The following SP9 variants were observed in gnomAD, a reference collection of about 807,000 sequenced individuals.
SP9 encodes the protein transcription factor Sp9.
A neutral mutation model predicts 23.0 loss-of-function variants in SP9; 5 were observed. The observed-to-expected ratio is 0.22, with a 90% confidence interval of 0.11 to 0.46. SP9 has a LOEUF of 0.46. Ranked by LOEUF, SP9 falls within the 20% of genes least tolerant of loss-of-function variation. The pLI is 0.99. For synonymous variants in SP9, 360 were observed against 356.5 expected (o/e 1.01, Z -0.11); for missense variants, 542 against 724.0 (o/e 0.75, Z 2.88).
chr2:174,336,979 T>C lies in SP9; in HGVS notation c.894T>C (p.Ser298=), dbSNP rs759174353. Residue 298 remains serine, a synonymous_variant, in exon 2 of 2, where the codon TCT becomes TCC. Coordinates refer to ENST00000394967, the MANE Select transcript of SP9 (RefSeq NM_001145250.2). ...AAAAGGSSAR[S]ARRYSGRATC... ...CCGCCGGGGGGAGCTCGGCACGCTC[T>C]GCCCGCCGCTACTCGGGCCGCGCCA... 37 of 1,431,430 alleles carry C rather than the reference T, an allele frequency of 2.6e-5. 2 individuals carry two copies. In the South Asian group the frequency reaches 5.3e-4, roughly 21 times the overall value. 88.7% of individuals were successfully genotyped at this position (1,431,430 alleles called of 1,614,324 possible). A position where few individuals can be genotyped will look rare whatever the true frequency, so the allele number is the denominator to read the frequency against.
chr2:174,337,516 A>G lies in SP9; in HGVS notation c.1431A>G (p.Ala477=). The G allele has an allele frequency of 1.7e-6, 2 of 1,176,526 alleles. No homozygotes were observed. The highest frequency in any genetic ancestry group is 2.1e-6 in the Non-Finnish European group (2 of 949,640). 72.9% of individuals were successfully genotyped at this position (1,176,526 alleles called of 1,614,324 possible). The change falls in exon 2 of 2, where the codon GCA becomes GCG. Residue 477 remains alanine (A), a synonymous_variant. Transcript: ENST00000394967. ...CGGCCTCCGCGGGAGGCAAGGAAGCAGCGTCTGGCCCCAACGACTCTTAGA... is the reference window on the plus strand; with the variant it reads ...CGGCCTCCGCGGGAGGCAAGGAAGCGGCGTCTGGCCCCAACGACTCTTAGA... ...AAAASAGGKE[A]ASGPNDS
rs559598850 is a variant in SP9 at position 174,336,472 on chromosome 2, C to T, written c.387C>T (p.Gly129=). 70 of 1,479,472 alleles carry T rather than the reference C, an allele frequency of 4.7e-5. No homozygotes were observed. In the East Asian group the frequency reaches 1.7e-3, roughly 36 times the overall value. The allele number at this position is 1,479,472 out of a possible 1,614,324, so 91.6% of individuals were successfully genotyped here. ...GGGTGTCCCCGCAGGAGGCGGGTGG[C>T]CAGTCGGCCTTCATTTCCAAGGTGC... ...AAGVSPQEAG[G]QSAFISKVHT... The change falls in exon 2 of 2, where the codon GGC becomes GGT. Residue 129 remains glycine (G), a synonymous_variant. Transcript: ENST00000394967.
chr2:174,335,006 G>A lies in SP9; in HGVS notation c.-87G>A. Reference sequence around the variant, plus strand: ...CGCTCGGCACGAGCGCGGGGACGCGGGAGCCGCGCGGGACCCAAGCAGTTT... The same window carrying A: ...CGCTCGGCACGAGCGCGGGGACGCGAGAGCCGCGCGGGACCCAAGCAGTTT... On this transcript the variant is annotated 5_prime_UTR_variant, in exon 1 of 2. Coordinates refer to ENST00000394967, the MANE Select transcript of SP9 (RefSeq NM_001145250.2). The A allele has an allele frequency of 2.0e-6, 3 of 1,468,960 alleles. No individual in the cohort carries two copies. Among genetic ancestry groups the A allele is most frequent in the Non-Finnish European group, 2.8e-6 (3 of 1,075,624 alleles). The allele number at this position is 1,468,960 out of a possible 1,614,324, so 91.0% of individuals were successfully genotyped here. A position where few individuals can be genotyped will look rare whatever the true frequency, so the allele number is the denominator to read the frequency against.
In SP9 at chr2:174,336,776, G is replaced by T; in HGVS notation, c.691G>T (p.Ala231Ser). 6.5e-7 allele frequency: 1 copy of T among 1,532,320 alleles called. No homozygotes were observed. The highest frequency in any genetic ancestry group is 8.7e-7 in the Non-Finnish European group (1 of 1,145,180). The allele number at this position is 1,532,320 out of a possible 1,614,324, so 94.9% of individuals were successfully genotyped here. A position where few individuals can be genotyped will look rare whatever the true frequency, so the allele number is the denominator to read the frequency against. The change falls in exon 2 of 2, where the codon GCC becomes TCC. Residue 231 changes from alanine (A) to serine (S), a missense_variant. Physicochemically the swap from Ala to Ser is moderately conservative, Grantham distance 99 (BLOSUM62 1). This residue lies in a region of SP9 where 144 missense variants were observed against 158.7 expected (regional missense o/e 0.91). Coordinates refer to ENST00000394967, the MANE Select transcript of SP9 (RefSeq NM_001145250.2). ...CGACTTCAGCTCGCTCACGCACTCC[G>T]CCTTCAGCTCCACGGGCCTCGGCTC... is the stretch of plus-strand genomic sequence containing the variant. ...NPDFSSLTHSAFSSTGLGSSA... is the reference protein window; with the variant it reads ...NPDFSSLTHSSFSSTGLGSSA...
chr2:174,337,072 G>A lies in SP9; in HGVS notation c.987G>A (p.Lys329=), dbSNP rs1291449019. ...LGPAGASLRR[K]GLHSCHIPGC... is the part of the protein sequence containing the mutation. Reference sequence around the variant, plus strand: ...CGGCCGGGGCGAGCCTGCGGCGCAAGGGCCTGCACAGCTGCCACATTCCGG... The same window carrying A: ...CGGCCGGGGCGAGCCTGCGGCGCAAAGGCCTGCACAGCTGCCACATTCCGG... The change falls in exon 2 of 2, where the codon AAG becomes AAA. Residue 329 remains lysine, a synonymous_variant. Transcript: ENST00000394967. The A allele has an allele frequency of 5.1e-6, 8 of 1,569,056 alleles. No homozygotes were observed. The highest frequency in any genetic ancestry group is 6.0e-6 in the Non-Finnish European group (7 of 1,162,668).
intron 1 of SP9, 131 bp downstream of exon 1, chr2:174,335,244 C>T: frequency 9.4e-7 from 1 of 1,061,482 alleles, no homozygotes; most frequent in Non-Finnish European, 1.4e-6. Context: ...TAGCACTTTC[C>T]ACATTTCTGG....
intron 1 of SP9, 170 bp downstream of exon 1, chr2:174,335,283 C>A: frequency 1.5e-6 from 1 of 647,790 alleles, no homozygotes; most frequent in Non-Finnish European, 2.6e-6. Flanking sequence ...TTTTTGGAAC[C>A]CAGAAAGATG....
Position 174,336,741 on chromosome 2 carries a change from C to A in SP9, c.656C>A (p.Thr219Asn). The A allele has an allele frequency of 2.6e-6, 4 of 1,532,680 alleles. No homozygotes were observed. Among genetic ancestry groups the A allele is most frequent in the Non-Finnish European group, 3.5e-6 (4 of 1,145,378 alleles). The allele number at this position is 1,532,680 out of a possible 1,614,324, so 94.9% of individuals were successfully genotyped here. A position where few individuals can be genotyped will look rare whatever the true frequency, so the allele number is the denominator to read the frequency against. The change falls in exon 2 of 2, where the codon ACC (threonine) becomes AAC (asparagine). Residue 219 changes from threonine to asparagine, a missense_variant. Around this residue, in one of 8 missense-constraint regions of SP9, gnomAD observed 144 missense variants for 158.7 expected, o/e 0.91. Transcript: ENST00000394967. ...PQASLHSQLG[T>N]YNPDFSSLTH... ...GCCTCGCTGCACTCGCAGCTGGGCACCTACAACCCCGACTTCAGCTCGCTC... is the reference window on the plus strand; with the variant it reads ...GCCTCGCTGCACTCGCAGCTGGGCAACTACAACCCCGACTTCAGCTCGCTC...
At position 174,337,604 on chromosome 2, in the gene SP9, G is replaced by A; in HGVS notation, c.*64G>A. ...ACACCGAGAACGAACGAGAGGTTCG[G>A]AGGGCGAGCGAGCGGGAGGCGGGAG... On this transcript the variant is annotated 3_prime_UTR_variant, in exon 2 of 2. Transcript: ENST00000394967. The A allele has an allele frequency of 9.2e-7, 1 of 1,091,856 alleles. No homozygotes were observed. The highest frequency in any genetic ancestry group is 1.1e-6 in the Non-Finnish European group (1 of 897,896). The allele number at this position is 1,091,856 out of a possible 1,614,324, so 67.6% of individuals were successfully genotyped here. A position where few individuals can be genotyped will look rare whatever the true frequency, so the allele number is the denominator to read the frequency against.
At position 174,336,352 on chromosome 2, in the gene SP9, C is replaced by A; in HGVS notation, c.267C>A (p.Phe89Leu). ...AGGSGAANSA[F>L]CLASTSPTSS... is the part of the protein sequence containing the mutation. The stretch of plus-strand genomic sequence containing the variant: ...GCTCGGGCGCCGCCAACAGCGCCTT[C>A]TGCCTGGCCTCCACGTCGCCCACGT... The change falls in exon 2 of 2, where the codon TTC becomes TTA. Residue 89 changes from phenylalanine to leucine, a missense_variant. Transcript: ENST00000394967. The A allele has an allele frequency of 6.7e-7, 1 of 1,498,906 alleles. No individual in the cohort carries two copies. The highest frequency in any genetic ancestry group is 8.8e-7 in the Non-Finnish European group (1 of 1,131,894). 92.9% of individuals were successfully genotyped at this position (1,498,906 alleles called of 1,614,324 possible).
At position 174,338,439 on chromosome 2, in the gene SP9, G is replaced by C; in HGVS notation, c.*899G>C. ...CTAAAGAAATTAAATGCGTTTATCT[G>C]TATCAAGAAAATCTTGACATCATAT... On this transcript the variant is annotated 3_prime_UTR_variant, in exon 2 of 2. Coordinates refer to ENST00000394967, the MANE Select transcript of SP9 (RefSeq NM_001145250.2). 6.6e-6 allele frequency: 1 copy of C among 152,112 alleles called. No homozygotes were observed. The highest frequency in any genetic ancestry group is 1.9e-4 in the East Asian group (1 of 5,188). 9.4% of individuals were successfully genotyped at this position (152,112 alleles called of 1,614,324 possible). A position where few individuals can be genotyped will look rare whatever the true frequency, so the allele number is the denominator to read the frequency against.
rs1467487391 is a variant in SP9, at chr2:174,337,524, G to C, written c.1439G>C (p.Gly480Ala). 8.5e-7 allele frequency: 1 copy of C among 1,172,190 alleles called. No individual in the cohort carries two copies. Among genetic ancestry groups the C allele is most frequent in the African/African-American group, 1.6e-5 (1 of 61,134 alleles). The allele number at this position is 1,172,190 out of a possible 1,614,324, so 72.6% of individuals were successfully genotyped here. The stretch of plus-strand genomic sequence containing the variant: ...GCGGGAGGCAAGGAAGCAGCGTCTG[G>C]CCCCAACGACTCTTAGAGGCCGGGC... The part of the protein sequence containing the change: ...ASAGGKEAAS[G>A]PNDS Residue 480 changes from glycine to alanine, a missense_variant, in exon 2 of 2, where the codon GGC becomes GCC. Around this residue, in one of 8 missense-constraint regions of SP9, gnomAD observed 55 missense variants for 56.1 expected, o/e 0.98. Transcript: ENST00000394967.
intron 1 of SP9, chr2:174,335,811 C>A: frequency 2.5e-6 from 1 of 406,174 alleles, no homozygotes; most frequent in South Asian, 3.6e-5. Flanking sequence ...ACGGCGACAA[C>A]CCAAGTCCGG....
Position 174,336,341 on chromosome 2 carries a change from A to G in SP9, c.256A>G (p.Asn86Asp). The G allele has an allele frequency of 6.7e-7, 1 of 1,498,402 alleles. No individual in the cohort carries two copies. 92.8% of individuals were successfully genotyped at this position (1,498,402 alleles called of 1,614,324 possible). A position where few individuals can be genotyped will look rare whatever the true frequency, so the allele number is the denominator to read the frequency against. ...GGLAGGSGAA[N>D]SAFCLASTSP... Reference sequence around the variant, plus strand: ...CCTGGCGGGCGGCTCGGGCGCCGCCAACAGCGCCTTCTGCCTGGCCTCCAC... The same window carrying G: ...CCTGGCGGGCGGCTCGGGCGCCGCCGACAGCGCCTTCTGCCTGGCCTCCAC... The change falls in exon 2 of 2, where the codon AAC (asparagine) becomes GAC (aspartate). Residue 86 changes from asparagine to aspartate, a missense_variant. Physicochemically the swap from Asn to Asp is conservative, Grantham distance 23. Transcript: ENST00000394967.
chr2:174,336,916 C>G lies in SP9; in HGVS notation c.831C>G (p.Ala277=). Residue 277 remains alanine (A), a synonymous_variant, in exon 2 of 2, where the codon GCC becomes GCG. Transcript: ENST00000394967. ...YSDSSAAVAA[A]AASAMISGAA... ...ACTCCAGCGCCGCCGTGGCAGCCGC[C>G]GCCGCCAGCGCCATGATATCGGGCG... is the stretch of plus-strand genomic sequence containing the variant. 1.3e-6 allele frequency: 2 copies of G among 1,484,554 alleles called. No individual in the cohort carries two copies. Among genetic ancestry groups the G allele is most frequent in the Non-Finnish European group, 1.8e-6 (2 of 1,125,058 alleles). 92.0% of individuals were successfully genotyped at this position (1,484,554 alleles called of 1,614,324 possible). A position where few individuals can be genotyped will look rare whatever the true frequency, so the allele number is the denominator to read the frequency against.
chr2:174,337,724 G>A lies in SP9; in HGVS notation c.*184G>A, dbSNP rs988391700. On this transcript the variant is annotated 3_prime_UTR_variant, in exon 2 of 2. Coordinates refer to ENST00000394967, the MANE Select transcript of SP9 (RefSeq NM_001145250.2). ...CTGCGGTTCGCCCGCTGTGCGAGGAGCTCCCCTCTGCCTTCCGCGCCCGGA... is the reference window on the plus strand; with the variant it reads ...CTGCGGTTCGCCCGCTGTGCGAGGAACTCCCCTCTGCCTTCCGCGCCCGGA... 1.4e-5 allele frequency: 10 copies of A among 697,008 alleles called. No individual in the cohort carries two copies. Among genetic ancestry groups the A allele is most frequent in the South Asian group, 6.6e-5 (1 of 15,244 alleles). 43.2% of individuals were successfully genotyped at this position (697,008 alleles called of 1,614,324 possible). A position where few individuals can be genotyped will look rare whatever the true frequency, so the allele number is the denominator to read the frequency against.
In SP9 at chr2:174,337,720, A is replaced by G; in HGVS notation, c.*180A>G. Reference sequence around the variant, plus strand: ...CGGGCTGCGGTTCGCCCGCTGTGCGAGGAGCTCCCCTCTGCCTTCCGCGCC... The same window carrying G: ...CGGGCTGCGGTTCGCCCGCTGTGCGGGGAGCTCCCCTCTGCCTTCCGCGCC... On this transcript the variant is annotated 3_prime_UTR_variant, in exon 2 of 2. Coordinates refer to ENST00000394967, the MANE Select transcript of SP9 (RefSeq NM_001145250.2). The G allele has an allele frequency of 1.3e-6, 1 of 770,402 alleles. No homozygotes were observed. The highest frequency in any genetic ancestry group is 1.6e-6 in the Non-Finnish European group (1 of 619,226). 47.7% of individuals were successfully genotyped at this position (770,402 alleles called of 1,614,324 possible).
rs755628379 is a variant in SP9, at chr2:174,337,456, AGCGGCG to A, written c.1380_1385del (p.Ala469_Ala470del). On this transcript the variant is annotated inframe_deletion, in exon 2 of 2. Coordinates refer to ENST00000394967, the MANE Select transcript of SP9 (RefSeq NM_001145250.2). ...GCGTCAGTGCCGCCCGGGCGGCGGC[AGCGGCG>A]GCGGCGGCAGCGGCGGCGGCGGCGG... The A allele has an allele frequency of 5.5e-6, 7 of 1,265,878 alleles. No homozygotes were observed. The highest frequency in any genetic ancestry group is 4.4e-4 in the Middle Eastern group (2 of 4,512). 78.4% of individuals were successfully genotyped at this position (1,265,878 alleles called of 1,614,324 possible).
In SP9 at chr2:174,336,189, C is replaced by A; in HGVS notation, c.104C>A (p.Thr35Lys). 1 of 1,550,784 alleles carries A rather than the reference C, an allele frequency of 6.4e-7. No individual in the cohort carries two copies. Residue 35 changes from threonine to lysine, a missense_variant, in exon 2 of 2, where the codon ACG becomes AAG. Physicochemically the swap from Thr to Lys is moderately conservative, Grantham distance 78. Around this residue, in one of 8 missense-constraint regions of SP9, gnomAD observed 201 missense variants for 226.3 expected, o/e 0.89. Coordinates refer to ENST00000394967, the MANE Select transcript of SP9 (RefSeq NM_001145250.2). Reference sequence around the variant, plus strand: ...ATCGGCAACACGAGCCCGCTGACGACGCTGCCAGAGTCGAGCGCCTTCGCC... The same window carrying A: ...ATCGGCAACACGAGCCCGCTGACGAAGCTGCCAGAGTCGAGCGCCTTCGCC... Reference protein sequence around the residue: ...NKIGNTSPLTTLPESSAFAKG... With the variant: ...NKIGNTSPLTKLPESSAFAKG...
Sources: allele counts gnomAD v4.1 joint callset, GRCh38; gene constraint gnomAD v4.1.1; regional missense constraint gnomAD v4.1.1; transcripts MANE v1.5; gene names NCBI Gene and HGNC (gene_info 2026-07-23, HGNC 2026-07-21).